The following BBS4 variants were observed in gnomAD, a reference collection of about 807,000 sequenced individuals.
BBS4 encodes the protein Bardet-Biedl syndrome 4, also known as BBSome complex member BBS4.
BBS4 carries 58 observed loss-of-function variants against 71.4 expected under a neutral mutation model. That is an observed-to-expected ratio of 0.81 (90% CI 0.66 to 1.01). BBS4 has a LOEUF of 1.01. Ranked by LOEUF, BBS4 falls within the 50% of genes least tolerant of loss-of-function variation. The probability of loss-of-function intolerance (pLI) is 0.00; values close to 1 mark genes in which losing one functional copy is unlikely to be tolerated. For missense variants in BBS4, 660 were observed against 607.9 expected, an observed-to-expected ratio of 1.09 and a Z score of -0.90; for synonymous variants, 228 against 216.8, an observed-to-expected ratio of 1.05 and a Z score of -0.46.
rs185052338 is a variant in BBS4 at position 72,735,811 on chromosome 15, T to G, written c.1107-14T>G. The G allele has an allele frequency of 1.4e-4, 230 of 1,614,132 alleles. 1 individual carries two copies. Among genetic ancestry groups the G allele is most frequent in the Admixed American group, 9.0e-4 (54 of 60,010 alleles). The stretch of plus-strand genomic sequence containing the variant: ...GCAGAGCCCCCAGCTCCATAGAATC[T>G]CTGTCTGCCACAGGTGTAACCCTTT... On this transcript the variant is annotated splice_polypyrimidine_tract_variant and intron_variant, in intron 13 of 15. Coordinates refer to ENST00000268057, the MANE Select transcript of BBS4 (RefSeq NM_033028.5).
intron 8 of BBS4, among the ~76,000 whole-genome samples, chr15:72,726,031 CTCTT>C (rs1484428500): frequency 2.1e-5 from 3 of 139,916 alleles, no homozygotes; most frequent in South Asian, 2.4e-4. Flanking sequence ...TCCTTTTTCT[CTCTT>C]TTCTTTCCAT....
At position 72,731,849 on chromosome 15, in the gene BBS4, T is replaced by C. The variant is rs1370066798; in HGVS notation, c.1036+123T>C. 2.5e-6 allele frequency: 3 copies of C among 1,217,862 alleles called. 1 individual carries two copies. Among genetic ancestry groups the C allele is most frequent in the Non-Finnish European group, 3.5e-6 (3 of 847,824 alleles). The allele number at this position is 1,217,862 out of a possible 1,614,324, so 75.4% of individuals were successfully genotyped here. A position where few individuals can be genotyped will look rare whatever the true frequency, so the allele number is the denominator to read the frequency against. ...TTCCCTTAGAGATCCTGTAGGAATC[T>C]GGATTACTGTCCTGGAGCTTGAAGA... is the stretch of plus-strand genomic sequence containing the variant. On this transcript the variant is annotated intron_variant, in intron 12 of 15. Transcript: ENST00000268057.
chr15:72,712,485 G>A (rs544864261), intron 4 of BBS4, among the ~76,000 whole-genome samples, 178 bp downstream of exon 4: 1 of 152,314 alleles, frequency 6.6e-6, no homozygotes, highest in African/African-American at 2.4e-5. Context: ...ATTACATGGA[G>A]TGTACTTACA....
At chr15:72,729,312 G>C (rs546489622) in intron 9 of BBS4, among the ~76,000 whole-genome samples, 124 of 148,192 alleles carry the variant, frequency 8.4e-4, no homozygotes, top group African/African-American at 2.8e-3. Flanking sequence ...GTGCAATGGC[G>C]TGATCTCGGC....
chr15:72,690,859 C>G (rs981048772), intron 1 of BBS4, among the ~76,000 whole-genome samples: 1 of 152,162 alleles, frequency 6.6e-6, no homozygotes, highest in African/African-American at 2.4e-5. Flanking sequence ...TTTTCCACAT[C>G]CCTGTCAACA....
At chr15:72,696,924 A>G (rs2065087105) in intron 2 of BBS4, among the ~76,000 whole-genome samples, 1 of 149,582 alleles carries the variant, frequency 6.7e-6, no homozygotes, top group Non-Finnish European at 1.5e-5. Flanking sequence ...TAAACCTCAT[A>G]TAATGTTTGT....
chr15:72,711,481 T>C (rs911337358), intron 3 of BBS4, among the ~76,000 whole-genome samples: 1 of 152,148 alleles, frequency 6.6e-6, no homozygotes, highest in African/African-American at 2.4e-5. Context: ...TCTCTTTCTT[T>C]TTCATCTGTG....
At position 72,727,979 on chromosome 15, in the gene BBS4, A is replaced by T. The variant is rs754921681; in HGVS notation, c.627A>T (p.Gly209=). The change falls in exon 9 of 16, where the codon GGA becomes GGT. Residue 209 remains glycine (G), a synonymous_variant. Transcript: ENST00000268057. ...ATACAGAGCTTCTTACAACTTTAGG[A>T]TTACTCTACTTACAGGTAATGAAAA... ...PENTELLTTL[G]LLYLQLGIYQ... is the part of the protein sequence containing the mutation. The T allele has an allele frequency of 4.3e-6, 7 of 1,612,350 alleles. No individual in the cohort carries two copies. Among genetic ancestry groups the T allele is most frequent in the East Asian group, 2.2e-5 (1 of 44,842 alleles).
chr15:72,716,886 A>C (rs1421973446), intron 6 of BBS4, 36 bp downstream of exon 6: 1 of 1,439,850 alleles, frequency 6.9e-7, no homozygotes, highest in Admixed American at 1.7e-5. Context: ...CTTATTAGTA[A>C]ACTTGCTAAT....
chr15:72,696,955 C>G (rs1398299441), intron 2 of BBS4, among the ~76,000 whole-genome samples: 1 of 149,332 alleles, frequency 6.7e-6, no homozygotes, highest in Admixed American at 6.7e-5. Flanking sequence ...GTTTTTGAGG[C>G]GGAGGCTCGC....
rs913879522 is a variant in BBS4 at position 72,698,133 on chromosome 15, G to A, written c.76+2905G>A. ...TTTTGGGGTGGCCATAGCTGAGGAT[G>A]AGTTTTGTCCACAACCTGAGACAAC... On this transcript the variant is annotated intron_variant, in intron 2 of 15. Coordinates refer to ENST00000268057, the MANE Select transcript of BBS4 (RefSeq NM_033028.5). 81 of 436,156 alleles carry A rather than the reference G, an allele frequency of 1.9e-4. 1 individual carries two copies. Among genetic ancestry groups the A allele is most frequent in the South Asian group, 1.3e-3 (80 of 61,982 alleles). 27.0% of individuals were successfully genotyped at this position (436,156 alleles called of 1,614,324 possible). A position where few individuals can be genotyped will look rare whatever the true frequency, so the allele number is the denominator to read the frequency against.
intron 1 of BBS4, among the ~76,000 whole-genome samples, chr15:72,687,354 A>G (rs2064876562): frequency 6.6e-6 from 1 of 152,076 alleles, no homozygotes; most frequent in Non-Finnish European, 1.5e-5. Context: ...CTGTAATCCC[A>G]GCACTTTGGG....
chr15:72,732,729 G>GA (rs2065849276), intron 12 of BBS4, among the ~76,000 whole-genome samples: 1 of 152,214 alleles, frequency 6.6e-6, no homozygotes, highest in African/African-American at 2.4e-5. Context: ...CAATTCCTGA[G>GA]AAGGAGGGCA....
intron 10 of BBS4, among the ~76,000 whole-genome samples, chr15:72,730,339 G>A (rs920691452): frequency 1.3e-5 from 2 of 151,560 alleles, no homozygotes; most frequent in Non-Finnish European, 2.9e-5. Flanking sequence ...GCTTATGCCT[G>A]TAATCCCAGC....
At chr15:72,714,831 A>T (rs573696581) in intron 4 of BBS4, among the ~76,000 whole-genome samples, 1 of 152,330 alleles carries the variant, frequency 6.6e-6, no homozygotes, top group Admixed American at 6.5e-5. Context: ...CTGACAACTG[A>T]AGTCTTAAAT....
chr15:72,708,515 T>G (rs1466853671), intron 2 of BBS4, among the ~76,000 whole-genome samples: 4 of 152,184 alleles, frequency 2.6e-5, no homozygotes, highest in Admixed American at 1.3e-4. Flanking sequence ...CTGTACAAAT[T>G]GATTGTAAAA....
chr15:72,713,318 C>CAT (rs2065408836), intron 4 of BBS4, among the ~76,000 whole-genome samples: 1 of 114,744 alleles, frequency 8.7e-6, no homozygotes, highest in Non-Finnish European at 1.8e-5. Context: ...CTTTGTGACA[C>CAT]ACACACACAC....
rs759315856 is a variant in BBS4, at chr15:72,735,877, GAGA to G, written c.1167_1169del (p.Lys389del). On this transcript the variant is annotated inframe_deletion, in exon 14 of 16. Transcript: ENST00000268057. ...TGCTGTGCTGCTGTACAACCAGGGC[GAGA>G]AGAAGAACGCCCTGGCCCAATATCA... 131 of 1,613,968 alleles carry G rather than the reference GAGA, an allele frequency of 8.1e-5. No individual in the cohort carries two copies. Among genetic ancestry groups the G allele is most frequent in the South Asian group, 1.3e-4 (12 of 91,068 alleles).
chr15:72,696,428 A>G (rs1162746047), intron 2 of BBS4, among the ~76,000 whole-genome samples: 5 of 152,204 alleles, frequency 3.3e-5, no homozygotes, highest in Non-Finnish European at 4.4e-5. Context: ...GAAACTAGCC[A>G]TGTAACCACT....
Sources: allele counts gnomAD v4.1 joint callset (sites outside exome capture counted in the v4.1 genomes callset), GRCh38; gene constraint gnomAD v4.1.1; transcripts MANE v1.5; gene names NCBI Gene and HGNC (gene_info 2026-07-23, HGNC 2026-07-21).